RSRC1: variants seen among roughly 807,000 people sequenced by gnomAD.
RSRC1 encodes the protein arginine and serine rich coiled-coil 1.
In RSRC1, 39 loss-of-function variants were observed where a neutral mutation model predicts 49.1. The observed-to-expected ratio is 0.79, with a 90% CI of 0.61 to 1.04. RSRC1 has a LOEUF of 1.04. Ranked by LOEUF, RSRC1 falls within the 50% of genes least tolerant of loss-of-function variation. The probability of loss-of-function intolerance (pLI) is 0.00; values close to 1 mark genes in which losing one functional copy is unlikely to be tolerated. For synonymous variants in RSRC1, 143 were observed against 130.8 expected, an observed-to-expected ratio of 1.09 and a Z score of -0.63; for missense variants, 388 against 402.4, an observed-to-expected ratio of 0.96 and a Z score of 0.31.
rs185154530 is a variant in RSRC1, at chr3:158,499,247, C to T, written c.653-37845C>T. ...AAAAAATTAGCCAGGCGTGGTGGCA[C>T]GCGCCTGTAATCCCAGCTACTCGGG... On this transcript the variant is annotated intron_variant, in intron 7 of 9. Coordinates refer to ENST00000611884, the MANE Select transcript of RSRC1 (RefSeq NM_001271838.2). Among the ~76,000 whole-genome samples the T allele has an allele frequency of 3.2e-4, 49 of 151,834 alleles. No individual in the cohort carries two copies. The South Asian group carries it at 4.8e-3, about 15-fold the overall frequency.
intron 7 of RSRC1, among the ~76,000 whole-genome samples, chr3:158,465,268 G>A (rs1224926893): frequency 6.6e-6 from 1 of 152,154 alleles, no homozygotes; most frequent in African/African-American, 2.4e-5. Context: ...ATCTGGACCA[G>A]AGCCAAACCT....
In RSRC1 at chr3:158,315,031, C is replaced by CAAA. The variant is rs10692835; in HGVS notation, c.531+16968_531+16970dup. On this transcript the variant is annotated intron_variant, in intron 5 of 9. Coordinates refer to ENST00000611884, the MANE Select transcript of RSRC1 (RefSeq NM_001271838.2). ...TGGGCAACAGAGTGAGACTTTGTCT[C>CAAA]AAAAAAAAAAAAAATTATGTTTGCT... 1.2e-3 allele frequency among the ~76,000 whole-genome samples: 175 copies of CAAA among 146,418 alleles called. 1 individual carries two copies. The highest frequency in any genetic ancestry group is 4.2e-3 in the East Asian group (21 of 5,036).
chr3:158,374,023 T>TACTTTATGTTTTGTCCTAAA (rs1732221054), intron 6 of RSRC1, among the ~76,000 whole-genome samples: 1 of 152,138 alleles, frequency 6.6e-6, no homozygotes, highest in Admixed American at 6.5e-5. Context: ...ATGTCCCTAA[T>TACTTTATGTTTTGTCCTAAA]ACTTTATGTT....
chr3:158,128,358 C>G (rs1430668525), intron 3 of RSRC1, among the ~76,000 whole-genome samples: 1 of 152,122 alleles, frequency 6.6e-6, no homozygotes, highest in South Asian at 2.1e-4. Context: ...GCCCGGAGTA[C>G]TGCAACTTCT....
At chr3:158,486,326 CT>C (rs1738819200) in intron 7 of RSRC1, among the ~76,000 whole-genome samples, 1 of 152,078 alleles carries the variant, frequency 6.6e-6, no homozygotes, top group Non-Finnish European at 1.5e-5. Context: ...GGATCACTGC[CT>C]TGCTATTTCA....
At chr3:158,514,752 A>G (rs941409847) in intron 7 of RSRC1, among the ~76,000 whole-genome samples, 8 of 152,196 alleles carry the variant, frequency 5.3e-5, no homozygotes, top group Admixed American at 2.0e-4. Context: ...GTGGGAGTCT[A>G]AGTCTCTTTG....
intron 5 of RSRC1, among the ~76,000 whole-genome samples, chr3:158,326,959 A>C (rs1324492480): frequency 6.6e-6 from 1 of 152,078 alleles, no homozygotes; most frequent in African/African-American, 2.4e-5. Context: ...TAGTCTTGGG[A>C]GGGTGTATGT....
At chr3:158,323,638 T>C (rs1475181687) in intron 5 of RSRC1, among the ~76,000 whole-genome samples, 1 of 152,194 alleles carries the variant, frequency 6.6e-6, no homozygotes, top group African/African-American at 2.4e-5. Flanking sequence ...ATTCAAGCTG[T>C]ACAGGAAGTA....
At chr3:158,515,745 G>A (rs371983935) in intron 7 of RSRC1, among the ~76,000 whole-genome samples, 106 of 150,184 alleles carry the variant, frequency 7.1e-4, no homozygotes, top group African/African-American at 2.4e-3. Context: ...CCAATCAGAC[G>A]TAGATTTGGT....
Position 158,187,391 on chromosome 3 carries a change from T to C in RSRC1, c.321-15681T>C, listed in dbSNP as rs138620139. On this transcript the variant is annotated intron_variant, in intron 3 of 9. Transcript: ENST00000611884. ...ATTATACATATTTTAGAGCATTAAC[T>C]ATTATAGTAAAGGGGAGATTGGTTT... 1.3e-3 allele frequency among the ~76,000 whole-genome samples: 198 copies of C among 152,164 alleles called. 1 individual carries two copies. Among genetic ancestry groups the C allele is most frequent in the African/African-American group, 4.6e-3 (190 of 41,546 alleles).
chr3:158,218,338 G>A (rs2108295661), intron 4 of RSRC1, among the ~76,000 whole-genome samples: 1 of 151,770 alleles, frequency 6.6e-6, no homozygotes, highest in Admixed American at 6.6e-5. Context: ...TGTAATAGTA[G>A]CTTGGGCCAG....
At chr3:158,205,822 T>A (rs1721314723) in intron 4 of RSRC1, among the ~76,000 whole-genome samples, 1 of 151,364 alleles carries the variant, frequency 6.6e-6, no homozygotes, top group Non-Finnish European at 1.5e-5. Context: ...GCTGATGAGC[T>A]AAAAAAAAAT....
chr3:158,498,215 C>T (rs1409413439), intron 7 of RSRC1, among the ~76,000 whole-genome samples: 3 of 150,032 alleles, frequency 2.0e-5, no homozygotes, highest in Non-Finnish European at 3.0e-5. Flanking sequence ...CCCTGATCAT[C>T]GCATCCATGC....
chr3:158,122,560 CATTT>C (rs199861514), intron 2 of RSRC1, among the ~76,000 whole-genome samples: 5,675 of 151,362 alleles, frequency 0.037, 351 homozygotes, highest in African/African-American at 0.13. Flanking sequence ...TTTTCTAGTG[CATTT>C]ATTTATTTAT....
At chr3:158,351,882 ATAAC>A (rs1382079951) in intron 5 of RSRC1, among the ~76,000 whole-genome samples, 1 of 143,154 alleles carries the variant, frequency 7.0e-6, no homozygotes, top group African/African-American at 2.7e-5. Context: ...ATTATGATAT[ATAAC>A]TATTATATAA....
intron 5 of RSRC1, among the ~76,000 whole-genome samples, chr3:158,315,121 A>C (rs962085987): frequency 2.6e-5 from 4 of 152,130 alleles, no homozygotes; most frequent in Non-Finnish European, 5.9e-5. Flanking sequence ...TATGAAACCA[A>C]ATGTAAACTC....
At chr3:158,295,413 G>A (rs1214807897) in intron 4 of RSRC1, among the ~76,000 whole-genome samples, 1 of 152,100 alleles carries the variant, frequency 6.6e-6, no homozygotes, top group Non-Finnish European at 1.5e-5. Flanking sequence ...TTTAAGAAGA[G>A]AATTGACATG....
At chr3:158,173,727 G>A (rs1259468671) in intron 3 of RSRC1, among the ~76,000 whole-genome samples, 19 of 151,786 alleles carry the variant, frequency 1.3e-4, no homozygotes, top group Non-Finnish European at 1.5e-4. Flanking sequence ...ACTGATGAAC[G>A]AATAAACAAA....
intron 8 of RSRC1, among the ~76,000 whole-genome samples, chr3:158,538,230 A>C (rs1255258507): frequency 6.6e-6 from 1 of 151,868 alleles, no homozygotes; most frequent in Non-Finnish European, 1.5e-5. Context: ...TACTTTTTAA[A>C]ATAATTTATT....
Sources: allele counts gnomAD v4.1 joint callset (sites outside exome capture counted in the v4.1 genomes callset), GRCh38; gene constraint gnomAD v4.1.1; transcripts MANE v1.5; gene names NCBI Gene and HGNC (gene_info 2026-07-23, HGNC 2026-07-21).